Variants in PPFIA1 observed in about 807,000 individuals in gnomAD.
PPFIA1 encodes the protein PPFI scaffold protein A1.
A neutral mutation model predicts 149.9 loss-of-function variants in PPFIA1; 25 were observed. That is an observed-to-expected ratio of 0.17 (90% CI 0.12 to 0.23). PPFIA1 has a LOEUF of 0.23. PPFIA1 is among the 10% of genes least tolerant of loss of function. The probability of loss-of-function intolerance (pLI) is 1.00; values close to 1 mark genes in which losing one functional copy is unlikely to be tolerated. For missense variants in PPFIA1, 1,362 were observed against 1,506.5 expected, an observed-to-expected ratio of 0.90 and a Z score of 1.59; for synonymous variants, 549 against 552.8, an observed-to-expected ratio of 0.99 and a Z score of 0.10.
chr11:70,378,163 C>T lies in PPFIA1; in HGVS notation c.3518C>T (p.Pro1173Leu). The T allele has an allele frequency of 6.2e-7, 1 of 1,614,134 alleles. No individual in the cohort carries two copies. Among genetic ancestry groups the T allele is most frequent in the South Asian group, 1.1e-5 (1 of 91,072 alleles). Residue 1173 changes from proline to leucine, a missense_variant, in exon 26 of 28, where the codon CCC becomes CTC. Physicochemically the swap from Pro to Leu is moderately conservative, Grantham distance 98. Around this residue, in one of 7 missense-constraint regions of PPFIA1, gnomAD observed 349 missense variants for 373.3 expected, o/e 0.93. Transcript: ENST00000253925. ...CGGGTGACTTCTTCTATGTCTTCCC[C>T]CTCTATGCAGCCAAAGAAGATGCAG... ...NFRVTSSMSS[P>L]SMQPKKMQMD...
chr11:70,372,184 G>A (rs1478707429), intron 21 of PPFIA1, 31 bp from the exon 22 acceptor site: 3 of 1,579,572 alleles, frequency 1.9e-6, no homozygotes, highest in Middle Eastern at 1.7e-4. Context: ...GACTTCCTCT[G>A]TAACTGACCT....
intron 8 of PPFIA1, among the ~76,000 whole-genome samples, chr11:70,331,192 G>A (rs1290568322): frequency 6.6e-6 from 1 of 151,094 alleles, no homozygotes; most frequent in East Asian, 2.0e-4. Flanking sequence ...CCGAGATTGT[G>A]CCACTGCACT....
intron 2 of PPFIA1, chr11:70,279,057 T>C (rs1487703732): frequency 1.9e-6 from 1 of 514,568 alleles, no homozygotes; most frequent in Non-Finnish European, 3.7e-6. Flanking sequence ...AGGGGTAGTA[T>C]GCTTTACTGT....
chr11:70,352,528 C>T (rs1399481583), intron 16 of PPFIA1, among the ~76,000 whole-genome samples: 1 of 152,074 alleles, frequency 6.6e-6, no homozygotes, highest in Non-Finnish European at 1.5e-5. Context: ...CTTTGAGGAG[C>T]CTAGGCCTCG....
chr11:70,367,907 A>G (rs1201304799), intron 21 of PPFIA1, among the ~76,000 whole-genome samples: 4 of 152,172 alleles, frequency 2.6e-5, no homozygotes, highest in Non-Finnish European at 5.9e-5. Flanking sequence ...AGGCTGAGGC[A>G]GGTGGATCGC....
chr11:70,310,147 A>T (rs190481350), intron 2 of PPFIA1, among the ~76,000 whole-genome samples: 1 of 152,228 alleles, frequency 6.6e-6, no homozygotes, highest in Admixed American at 6.5e-5. Flanking sequence ...AAGTTAAATC[A>T]TTAAGGATAA....
At chr11:70,350,608 G>A (rs2137264943) in intron 16 of PPFIA1, among the ~76,000 whole-genome samples, 1 of 152,066 alleles carries the variant, frequency 6.6e-6, no homozygotes, top group South Asian at 2.1e-4. Context: ...TTTTATAATT[G>A]GTATTGCAGT....
At chr11:70,314,362 C>T (rs1435041574) in intron 2 of PPFIA1, among the ~76,000 whole-genome samples, 1 of 152,152 alleles carries the variant, frequency 6.6e-6, no homozygotes, top group Non-Finnish European at 1.5e-5. Flanking sequence ...ACAACCCAGG[C>T]TGGGGAAAAG....
intron 2 of PPFIA1, among the ~76,000 whole-genome samples, chr11:70,314,075 A>G (rs1390265953): frequency 6.6e-6 from 1 of 152,236 alleles, no homozygotes; most frequent in Admixed American, 6.5e-5. Flanking sequence ...GATTGAAGCC[A>G]CGGACACCGG....
chr11:70,298,922 T>C (rs2052281885), intron 2 of PPFIA1, among the ~76,000 whole-genome samples: 1 of 152,184 alleles, frequency 6.6e-6, no homozygotes, highest in African/African-American at 2.4e-5. Flanking sequence ...TTGAACAATT[T>C]TACCATGCCT....
intron 21 of PPFIA1, among the ~76,000 whole-genome samples, chr11:70,369,387 T>A (rs2057117386): frequency 6.6e-6 from 1 of 152,250 alleles, no homozygotes; most frequent in Non-Finnish European, 1.5e-5. Flanking sequence ...TTGGCAATAT[T>A]TTGTTACATA....
intron 2 of PPFIA1, among the ~76,000 whole-genome samples, chr11:70,308,798 G>T (rs988613443): frequency 1.3e-5 from 2 of 152,074 alleles, no homozygotes; most frequent in African/African-American, 4.8e-5. Flanking sequence ...AACCCAACTT[G>T]AACATTGTGG....
At chr11:70,377,378 C>T (rs78247387) in intron 25 of PPFIA1, among the ~76,000 whole-genome samples, 13 of 152,256 alleles carry the variant, frequency 8.5e-5, no homozygotes, top group East Asian at 3.9e-4. Context: ...TTGTTCCACA[C>T]GATTAGGAGT....
chr11:70,311,955 C>T (rs777530221), intron 2 of PPFIA1, among the ~76,000 whole-genome samples: 6 of 149,360 alleles, frequency 4.0e-5, no homozygotes, highest in Non-Finnish European at 7.4e-5. Context: ...GCAGTCCTCA[C>T]ACCTAACCTC....
intron 14 of PPFIA1, among the ~76,000 whole-genome samples, chr11:70,342,300 G>A (rs1591281824): frequency 2.6e-5 from 4 of 152,174 alleles, no homozygotes; most frequent in Admixed American, 2.0e-4. Flanking sequence ...GAGGAAGGCC[G>A]AGTGCAGGCC....
chr11:70,283,887 C>G (rs1352252861), intron 2 of PPFIA1: 1 of 470,586 alleles, frequency 2.1e-6, no homozygotes, highest in African/African-American at 2.0e-5. Flanking sequence ...CAGTGGAGCC[C>G]CCTCAACAAA....
At chr11:70,347,234 T>C (rs934786246) in intron 15 of PPFIA1, among the ~76,000 whole-genome samples, 10 of 152,172 alleles carry the variant, frequency 6.6e-5, no homozygotes, top group Admixed American at 3.3e-4. Flanking sequence ...GGTCATAAAA[T>C]TTTAAAATAT....
intron 2 of PPFIA1, chr11:70,284,168 A>C: frequency 2.4e-6 from 1 of 419,926 alleles, no homozygotes; most frequent in Admixed American, 2.9e-5. Flanking sequence ...AACTAGCTAA[A>C]TGACTCTTCC....
intron 21 of PPFIA1, chr11:70,366,102 G>A: frequency 2.8e-6 from 1 of 361,882 alleles, no homozygotes. Context: ...GATTGTTAAT[G>A]ATTTGAAAGC....
Sources: gnomAD v4.1 joint callset for allele counts (sites outside exome capture counted in the v4.1 genomes callset) on GRCh38, gnomAD v4.1.1 for gene constraint, gnomAD v4.1.1 regional missense constraint, MANE v1.5 for transcripts, NCBI Gene and HGNC (gene_info 2026-07-23, HGNC 2026-07-21) for gene names.